The following ZFYVE16 variants were observed in gnomAD, a reference collection of about 807,000 sequenced individuals.
The protein encoded by ZFYVE16 is zinc finger FYVE-type containing 16, also known as zinc finger FYVE domain-containing protein 16.
Under a neutral mutation model 138.1 loss-of-function variants are expected in ZFYVE16, and 89 were observed. The ratio of observed to expected loss-of-function variants is 0.64; its 90% confidence interval spans 0.54 to 0.77. The LOEUF (loss-of-function observed/expected upper bound fraction) is 0.77. ZFYVE16 is among the 30% of genes least tolerant of loss of function. The probability of loss-of-function intolerance (pLI) is 0.00; values close to 1 mark genes in which losing one functional copy is unlikely to be tolerated. For synonymous variants in ZFYVE16, 596 were observed against 618.3 expected (o/e 0.96, Z 0.53); for missense variants, 1,793 against 1,786.7 (o/e 1.00, Z -0.06).
intron 3 of ZFYVE16, among the ~76,000 whole-genome samples, chr5:80,435,486 G>A (rs1749763652): frequency 6.6e-6 from 1 of 152,178 alleles, no homozygotes; most frequent in Admixed American, 6.5e-5. Context: ...TCTTTAAAAC[G>A]AAGACTAGGA....
At chr5:80,443,849 C>T in intron 6 of ZFYVE16, 1 of 456,248 alleles carries the variant, frequency 2.2e-6, no homozygotes, top group Non-Finnish European at 4.4e-6. Context: ...CTGGGAATTG[C>T]ACTTTCCAGA....
rs769497569 is a variant in ZFYVE16, at chr5:80,437,328, C to G, written c.643C>G (p.Leu215Val). 6.2e-6 allele frequency: 10 copies of G among 1,601,688 alleles called. No individual in the cohort carries two copies. The highest frequency in any genetic ancestry group is 8.5e-6 in the Non-Finnish European group (10 of 1,175,304). Residue 215 changes from leucine (L) to valine (V), a missense_variant, in exon 4 of 19, where the codon CTT becomes GTT. Coordinates refer to ENST00000505560, the MANE Select transcript of ZFYVE16 (RefSeq NM_001284236.3). Reference protein sequence around the residue: ...KELGIKVDTTLSDSYNYSGTE... With the variant: ...KELGIKVDTTVSDSYNYSGTE... ...ATTGGGTATAAAAGTAGATACAACA[C>G]TTTCAGATTCCTATAATTACAGTGG...
At chr5:80,459,271 C>G in intron 14 of ZFYVE16, 143 bp from the exon 15 acceptor site, 1 of 559,996 alleles carries the variant, frequency 1.8e-6, no homozygotes, top group South Asian at 3.2e-5. Flanking sequence ...TTTTTTTTGT[C>G]TTTTTAATTA....
At chr5:80,442,217 C>G (rs956734677) in intron 5 of ZFYVE16, among the ~76,000 whole-genome samples, 12 of 152,122 alleles carry the variant, frequency 7.9e-5, no homozygotes, top group Non-Finnish European at 1.6e-4. Context: ...AGTCCTCCCA[C>G]CTCAGCCTCC....
At position 80,437,735 on chromosome 5, in the gene ZFYVE16, C is replaced by T; in HGVS notation, c.1050C>T (p.Asp350=). 1 of 1,614,012 alleles carries T rather than the reference C, an allele frequency of 6.2e-7. No homozygotes were observed. The highest frequency in any genetic ancestry group is 1.1e-5 in the South Asian group (1 of 91,076). The part of the protein sequence containing the change: ...QSAQEDSKSL[D]LKDNDVIQDS... ...CACAAGAAGACTCAAAAAGTTTAGA[C>T]CTTAAGGATAATGATGTAATCCAAG... The change falls in exon 4 of 19, where the codon GAC becomes GAT. Residue 350 remains aspartate, a synonymous_variant. Transcript: ENST00000505560.
intron 1 of ZFYVE16, among the ~76,000 whole-genome samples, chr5:80,420,297 T>G (rs1383150072): frequency 6.6e-6 from 1 of 151,770 alleles, no homozygotes. Flanking sequence ...TATTATTTAT[T>G]ATTATTTTTT....
At chr5:80,429,755 A>G (rs1233386447) in intron 2 of ZFYVE16, among the ~76,000 whole-genome samples, 1 of 152,162 alleles carries the variant, frequency 6.6e-6, no homozygotes, top group Non-Finnish European at 1.5e-5. Context: ...GGATGGAAAA[A>G]GATATACCAA....
chr5:80,474,597 G>T, intron 17 of ZFYVE16, 66 bp from the exon 18 acceptor site: 1 of 1,441,788 alleles, frequency 6.9e-7, no homozygotes. Flanking sequence ...AAACTTGAAA[G>T]CAGCAATTGT....
intron 11 of ZFYVE16, 34 bp from the exon 12 acceptor site, chr5:80,455,658 T>C: frequency 6.4e-7 from 1 of 1,558,760 alleles, no homozygotes; most frequent in Non-Finnish European, 8.8e-7. Context: ...GTTTTTTTTG[T>C]TGATAGTAAC....
intron 1 of ZFYVE16, among the ~76,000 whole-genome samples, chr5:80,415,477 A>C (rs1030271635): frequency 2.0e-5 from 3 of 152,160 alleles, no homozygotes; most frequent in Admixed American, 2.0e-4. Context: ...TGATTGTGAT[A>C]GTTCTCAGAC....
chr5:80,408,610 G>T (rs368102945), intron 1 of ZFYVE16, among the ~76,000 whole-genome samples: 3 of 152,220 alleles, frequency 2.0e-5, no homozygotes, highest in East Asian at 3.9e-4. Flanking sequence ...CGGTGCTCTC[G>T]CACTGTCCAT....
At position 80,437,177 on chromosome 5, in the gene ZFYVE16, GGATTT is replaced by G. The variant is rs1470025893; in HGVS notation, c.493_497del (p.Asp165IlefsTer15). ...CTAATGCAGATTCCTTGATTGGATT[GGATTT>G]ATCTTCAGTGTCAGATACTCCCTGT... On this transcript the variant is annotated frameshift_variant, in exon 4 of 19. Transcript: ENST00000505560. LOFTEE classifies it high-confidence loss of function. 8 of 1,613,876 alleles carry G rather than the reference GGATTT, an allele frequency of 5.0e-6. No individual in the cohort carries two copies. The highest frequency in any genetic ancestry group is 2.2e-5 in the East Asian group (1 of 44,862).
chr5:80,481,135 C>T lies in ZFYVE16; in HGVS notation c.*3758C>T, dbSNP rs765305711. 2.0e-5 allele frequency among the ~76,000 whole-genome samples: 3 copies of T among 152,106 alleles called. No individual in the cohort carries two copies. The highest frequency in any genetic ancestry group is 4.4e-5 in the Non-Finnish European group (3 of 68,012). On this transcript the variant is annotated 3_prime_UTR_variant, in exon 19 of 19. Transcript: ENST00000505560. ...AGAACCATGGGTAATGACTTGGAAC[C>T]TTCTGGACTTTCCTTGCTCTACATC...
chr5:80,464,419 G>A (rs1157836268), intron 15 of ZFYVE16, among the ~76,000 whole-genome samples: 1 of 152,110 alleles, frequency 6.6e-6, no homozygotes, highest in East Asian at 1.9e-4. Context: ...CAGAAGAACA[G>A]CATGGAGGGA....
chr5:80,435,574 C>A (rs1749780359), intron 3 of ZFYVE16, among the ~76,000 whole-genome samples: 1 of 152,020 alleles, frequency 6.6e-6, no homozygotes. Flanking sequence ...AACTAAGTTT[C>A]TTTTTTTTCT....
chr5:80,424,985 T>C (rs1014173408), intron 1 of ZFYVE16, among the ~76,000 whole-genome samples: 2 of 152,248 alleles, frequency 1.3e-5, no homozygotes, highest in Non-Finnish European at 2.9e-5. Flanking sequence ...GCTCTCTGGC[T>C]GTTCTATCTT....
At chr5:80,434,066 T>C (rs1749517083) in intron 2 of ZFYVE16, 43 bp from the exon 3 acceptor site, 3 of 1,311,428 alleles carry the variant, frequency 2.3e-6, no homozygotes, top group African/African-American at 3.0e-5. Context: ...ATAAAATTTG[T>C]TATGTAATTA....
chr5:80,408,427 C>G (rs1040270332), intron 1 of ZFYVE16, among the ~76,000 whole-genome samples: 2 of 152,246 alleles, frequency 1.3e-5, no homozygotes, highest in South Asian at 4.1e-4. Context: ...CCCGGTTCCC[C>G]GCTCCCGGGC....
chr5:80,439,780 C>G (rs1750453594), intron 4 of ZFYVE16, among the ~76,000 whole-genome samples, 156 bp from the exon 5 acceptor site: 1 of 151,988 alleles, frequency 6.6e-6, no homozygotes, highest in Non-Finnish European at 1.5e-5. Flanking sequence ...AAAAAAGAAT[C>G]ATTTAAGAAT....
Sources: allele counts gnomAD v4.1 joint callset (sites outside exome capture counted in the v4.1 genomes callset), GRCh38; gene constraint gnomAD v4.1.1; transcripts MANE v1.5; gene names NCBI Gene and HGNC (gene_info 2026-07-23, HGNC 2026-07-21).